The following WDHD1 variants were observed in gnomAD, a reference collection of about 807,000 sequenced individuals.
WDHD1 encodes the protein WD repeat and HMG-box DNA binding protein 1.
In WDHD1, 111 loss-of-function variants were observed where a neutral mutation model predicts 135.4. The ratio of observed to expected loss-of-function variants is 0.82; its 90% confidence interval spans 0.70 to 0.96. The LOEUF (loss-of-function observed/expected upper bound fraction) is 0.96, where lower values mean the gene tolerates loss of function less well. Ranked by LOEUF, WDHD1 falls within the 40% of genes least tolerant of loss-of-function variation. WDHD1 has a pLI of 0.00. For missense variants in WDHD1, 1,351 were observed against 1,336.3 expected, an observed-to-expected ratio of 1.01 and a Z score of -0.17; for synonymous variants, 434 against 439.0, an observed-to-expected ratio of 0.99 and a Z score of 0.14.
intron 13 of WDHD1, 142 bp downstream of exon 13, chr14:54,988,886 G>A (rs996296242): frequency 6.2e-6 from 4 of 642,642 alleles, no homozygotes; most frequent in Non-Finnish European, 1.0e-5. Flanking sequence ...TATTTTGGGT[G>A]TGCTGGTGTT....
chr14:55,007,750 T>C (rs2042096694), intron 6 of WDHD1, among the ~76,000 whole-genome samples: 3 of 152,166 alleles, frequency 2.0e-5, no homozygotes, highest in Admixed American at 2.0e-4. Context: ...AGCTCAAGAA[T>C]GAAGGGAAGG....
chr14:54,965,630 C>A (rs1444932243), intron 18 of WDHD1, among the ~76,000 whole-genome samples: 1 of 152,106 alleles, frequency 6.6e-6, no homozygotes, highest in African/African-American at 2.4e-5. Context: ...GATGTTTATT[C>A]CTGCACATGA....
Position 54,966,515 on chromosome 14 carries a change from G to A in WDHD1, c.2270C>T (p.Ala757Val), listed in dbSNP as rs768520659. The A allele has an allele frequency of 1.3e-5, 21 of 1,607,338 alleles. No homozygotes were observed. The highest frequency in any genetic ancestry group is 1.8e-5 in the Non-Finnish European group (21 of 1,178,640). Residue 757 changes from alanine (A) to valine (V), a missense_variant, in exon 18 of 26, where the codon GCA (alanine) becomes GTA (valine). Ala to Val is a moderately conservative substitution (Grantham distance 64). This residue lies in a region of WDHD1 where 1,330 missense variants were observed against 1,296.1 expected (regional missense o/e 1.03). Coordinates refer to ENST00000360586, the MANE Select transcript of WDHD1 (RefSeq NM_007086.4). ...TAAAAGTTCCTGTTGCTCTTTTGTTGCTTGATTTTTAGTGCTCTCTTCATA... is the reference window on the plus strand; with the variant it reads ...TAAAAGTTCCTGTTGCTCTTTTGTTACTTGATTTTTAGTGCTCTCTTCATA... ...YEYEESTKNQATKEQQELLMK... is the reference protein window; with the variant it reads ...YEYEESTKNQVTKEQQELLMK...
At chr14:54,969,029 G>C (rs2041388263) in intron 16 of WDHD1, among the ~76,000 whole-genome samples, 1 of 151,444 alleles carries the variant, frequency 6.6e-6, no homozygotes, top group South Asian at 2.1e-4. Context: ...GTAAGACCTT[G>C]TTTCTATTTA....
At chr14:55,019,995 T>C (rs1056305574) in intron 2 of WDHD1, among the ~76,000 whole-genome samples, 3 of 152,180 alleles carry the variant, frequency 2.0e-5, no homozygotes, top group African/African-American at 7.2e-5. Flanking sequence ...CTCAACTCTA[T>C]CCTCAGAGAG....
chr14:55,008,985 T>C (rs1217833119), intron 4 of WDHD1, among the ~76,000 whole-genome samples: 1 of 151,918 alleles, frequency 6.6e-6, no homozygotes, highest in South Asian at 2.1e-4. Flanking sequence ...TTAGTAGAGA[T>C]GGGGTTTCAC....
In WDHD1 at chr14:54,944,461, G is replaced by A. The variant is rs760402958; in HGVS notation, c.3060C>T (p.Thr1020=). The change falls in exon 25 of 26, where the codon ACC becomes ACT. Residue 1020 remains threonine (T), a synonymous_variant. Coordinates refer to ENST00000360586, the MANE Select transcript of WDHD1 (RefSeq NM_007086.4). ...PQNTENQRPK[T]GFQMWLEENR... ...TTTCTTCTAACCACATCTGGAACCC[G>A]GTCTTTGGCCTAAAATCACAATTAT... 63 of 1,583,510 alleles carry A rather than the reference G, an allele frequency of 4.0e-5. No individual in the cohort carries two copies. The highest frequency in any genetic ancestry group is 6.8e-5 in the East Asian group (3 of 44,236).
At chr14:54,957,694 CTA>C in intron 21 of WDHD1, 59 bp from the exon 22 acceptor site, 1 of 1,362,582 alleles carries the variant, frequency 7.3e-7, no homozygotes, top group Non-Finnish European at 1.0e-6. Flanking sequence ...CTTCTGACAT[CTA>C]TAATACTAGA....
intron 7 of WDHD1, chr14:55,005,068 T>G (rs1286320331): frequency 1.1e-5 from 6 of 543,618 alleles, no homozygotes; most frequent in African/African-American, 1.9e-5. Flanking sequence ...TGCTCTTCTT[T>G]TTCAATCTCC....
At chr14:54,971,685 C>A (rs1449154196) in intron 16 of WDHD1, among the ~76,000 whole-genome samples, 6 of 137,500 alleles carry the variant, frequency 4.4e-5, no homozygotes, top group Non-Finnish European at 7.6e-5. Context: ...CGCACTGTAG[C>A]CTGGGTGACA....
chr14:55,000,491 A>C lies in WDHD1; in HGVS notation c.942+12T>G. 6.3e-7 allele frequency: 1 copy of C among 1,585,108 alleles called. No individual in the cohort carries two copies. Among genetic ancestry groups the C allele is most frequent in the Non-Finnish European group, 8.6e-7 (1 of 1,166,528 alleles). On this transcript the variant is annotated intron_variant, in intron 10 of 25. Transcript: ENST00000360586. ...CATTTTGAAGAAACTGTTGTACCAT[A>C]CTCCCTTTTACCTTACTGCTTGATG...
intron 16 of WDHD1, among the ~76,000 whole-genome samples, chr14:54,974,097 A>T (rs543499706): frequency 6.8e-4 from 104 of 152,118 alleles, no homozygotes; most frequent in Middle Eastern, 3.4e-3. Context: ...AATTTAAAAA[A>T]AAAAAAACAA....
Position 55,000,978 on chromosome 14 carries a change from T to A in WDHD1, c.708A>T (p.Val236=), listed in dbSNP as rs114492851. The change falls in exon 9 of 26, where the codon GTA becomes GTT. Residue 236 remains valine, a synonymous_variant. Transcript: ENST00000360586. ...AATATTGCCCACAGGGAGACCAGGT[T>A]ACTATATTGAGGGTCTGTAAAGAAA... The part of the protein sequence containing the change: ...DNFISQTLNI[V]TWSPCGQYLA... 659 of 1,574,552 alleles carry A rather than the reference T, an allele frequency of 4.2e-4. 2 individuals carry two copies. In the African/African-American group the frequency reaches 6.9e-3, roughly 16 times the overall value.
intron 25 of WDHD1, 151 bp from the exon 26 acceptor site, chr14:54,941,841 T>C (rs1228940182): frequency 6.0e-6 from 4 of 668,218 alleles, no homozygotes; most frequent in Admixed American, 3.2e-5. Flanking sequence ...AACAAATCTT[T>C]TATTACTTAA....
At chr14:54,981,833 G>C (rs2041623141) in intron 15 of WDHD1, 137 bp from the exon 16 acceptor site, 1 of 492,752 alleles carries the variant, frequency 2.0e-6, no homozygotes, top group Non-Finnish European at 3.5e-6. Context: ...AATAATCTAA[G>C]ATTATTACGT....
intron 24 of WDHD1, among the ~76,000 whole-genome samples, chr14:54,946,011 T>C (rs915488563): frequency 3.3e-5 from 5 of 152,190 alleles, no homozygotes; most frequent in Admixed American, 3.3e-4. Flanking sequence ...TTTTAAGTAA[T>C]CTTAACGTAA....
At position 54,967,313 on chromosome 14, in the gene WDHD1, G is replaced by C. The variant is rs777071898; in HGVS notation, c.2145C>G (p.Tyr715Ter). ...GTCCTTTCTCTGTTGCAATCTGACA[G>C]TAAGGAAGCTTAAAGGATAATATAG... ...AVAILSFKLP[Y>*]CQIATEKGQM... is the part of the protein sequence containing the mutation. Residue 715 changes from tyrosine (Y) to a stop codon, truncating the protein, a stop_gained, in exon 17 of 26, where the codon TAC (tyrosine) becomes TAG (stop). Coordinates refer to ENST00000360586, the MANE Select transcript of WDHD1 (RefSeq NM_007086.4). LOFTEE classifies it high-confidence loss of function. The C allele has an allele frequency of 5.6e-6, 9 of 1,612,086 alleles. No individual in the cohort carries two copies. The highest frequency in any genetic ancestry group is 6.8e-6 in the Non-Finnish European group (8 of 1,178,762).
rs139363075 is a variant in WDHD1, at chr14:55,023,950, T to C, written c.77+2761A>G. Reference sequence around the variant, plus strand: ...ATTTCAACTTTTTATAATAGATTTGTGTATATTTTATGGTAGTAAATGATA... The same window carrying C: ...ATTTCAACTTTTTATAATAGATTTGCGTATATTTTATGGTAGTAAATGATA... On this transcript the variant is annotated intron_variant, in intron 2 of 25. Transcript: ENST00000360586. Among the ~76,000 whole-genome samples the C allele has an allele frequency of 2.0e-5, 3 of 152,364 alleles. 1 individual carries two copies. The East Asian group carries it at 5.8e-4, about 29-fold the overall frequency.
chr14:54,997,262 A>C (rs780573477), intron 10 of WDHD1, among the ~76,000 whole-genome samples: 1 of 151,504 alleles, frequency 6.6e-6, no homozygotes, highest in African/African-American at 2.4e-5. Context: ...CACCTGGCTA[A>C]TTTTTGTATT....
Sources: gnomAD v4.1 joint callset for allele counts (sites outside exome capture counted in the v4.1 genomes callset) on GRCh38, gnomAD v4.1.1 for gene constraint, gnomAD v4.1.1 regional missense constraint, MANE v1.5 for transcripts, NCBI Gene and HGNC (gene_info 2026-07-23, HGNC 2026-07-21) for gene names.